MAS1: variants seen among roughly 807,000 people sequenced by gnomAD.
The protein encoded by MAS1 is proto-oncogene Mas.
For synonymous variants in MAS1, 163 were observed against 164.2 expected (o/e 0.99, Z 0.05); for missense variants, 387 against 409.7 (o/e 0.94, Z 0.48).
chr6:159,895,788 G>A (rs1782748552), intron 1 of MAS1, among the ~76,000 whole-genome samples: 1 of 152,152 alleles, frequency 6.6e-6, no homozygotes, highest in Non-Finnish European at 1.5e-5. Flanking sequence ...TAATATAATT[G>A]GCATGGTTAT....
chr6:159,890,227 A>G (rs113481856), upstream of MAS1, among the ~76,000 whole-genome samples: 29 of 152,324 alleles, frequency 1.9e-4, no homozygotes, highest in African/African-American at 6.3e-4. Flanking sequence ...TAAAAGGTAG[A>G]AAAACAAAAA....
In MAS1 at chr6:159,912,066, G is replaced by T. The variant is rs1364435026; in HGVS notation, c.*4133G>T. 6.6e-6 allele frequency: 1 copy of T among 152,310 alleles called. No individual in the cohort carries two copies. Among genetic ancestry groups the T allele is most frequent in the Non-Finnish European group, 1.5e-5 (1 of 68,144 alleles). The allele number at this position is 152,310 out of a possible 1,614,324, so 9.4% of individuals were successfully genotyped here. ...GGAGGGTTGGTGAACAGCACCACTG[G>T]CCTTGACTAGCCTGCTCCCTGCCAC... On this transcript the variant is annotated 3_prime_UTR_variant, in exon 3 of 3. Transcript: ENST00000674077.
intron 2 of MAS1, chr6:159,906,719 C>G (rs1782890953): frequency 6.3e-6 from 3 of 474,422 alleles, no homozygotes; most frequent in Non-Finnish European, 1.1e-5. Flanking sequence ...AATCAGTTCT[C>G]AGTCTTATCA....
chr6:159,897,423 G>A (rs1451353030), intron 1 of MAS1, among the ~76,000 whole-genome samples: 8 of 152,194 alleles, frequency 5.3e-5, no homozygotes, highest in Admixed American at 5.2e-4. Flanking sequence ...CAACAGTGAT[G>A]TTATCCCTAG....
chr6:159,892,068 C>T lies in MAS1; in HGVS notation c.-244+935C>T, dbSNP rs78312511. Among the ~76,000 whole-genome samples the T allele has an allele frequency of 3.3e-5, 5 of 152,254 alleles. No homozygotes were observed. In the East Asian group the frequency reaches 9.6e-4, roughly 29 times the overall value. On this transcript the variant is annotated intron_variant, in intron 1 of 2. Transcript: ENST00000674077. ...CCTTAGGGGACAAAATCACCTTCCC[C>T]CCTTTTAGACCAGGGCTCTAAATTG...
chr6:159,900,720 T>C (rs1339389894), intron 2 of MAS1, among the ~76,000 whole-genome samples: 1 of 152,194 alleles, frequency 6.6e-6, no homozygotes, highest in Non-Finnish European at 1.5e-5. Context: ...TTCAGTGTGA[T>C]GCCCTGCACT....
At chr6:159,904,342 C>T (rs1257425439) in intron 2 of MAS1, among the ~76,000 whole-genome samples, 1 of 152,206 alleles carries the variant, frequency 6.6e-6, no homozygotes, top group African/African-American at 2.4e-5. Context: ...TTTCCTCCGG[C>T]TCCTGACACT....
chr6:159,905,585 A>G (rs1782875811), intron 2 of MAS1, among the ~76,000 whole-genome samples: 1 of 152,172 alleles, frequency 6.6e-6, no homozygotes, highest in Non-Finnish European at 1.5e-5. Flanking sequence ...GGCTGTACTG[A>G]GATCACAGCT....
At chr6:159,901,262 A>G (rs1398448578) in intron 2 of MAS1, among the ~76,000 whole-genome samples, 1 of 152,192 alleles carries the variant, frequency 6.6e-6, no homozygotes, top group Non-Finnish European at 1.5e-5. Flanking sequence ...TAGGACTTCA[A>G]CATATGAATT....
intron 1 of MAS1, among the ~76,000 whole-genome samples, chr6:159,895,241 C>G (rs1782741540): frequency 6.6e-6 from 1 of 152,246 alleles, no homozygotes; most frequent in South Asian, 2.1e-4. Flanking sequence ...CTGGGGCAAT[C>G]CAGGCTCTGC....
chr6:159,895,078 C>T (rs1002515410), intron 1 of MAS1, among the ~76,000 whole-genome samples: 29 of 152,240 alleles, frequency 1.9e-4, no homozygotes, highest in Admixed American at 7.2e-4. Flanking sequence ...TTGCTTCTGG[C>T]GACATAAAAG....
chr6:159,906,974 ACAT>A lies in MAS1; in HGVS notation c.23_25del (p.Ser8del). 6.2e-7 allele frequency: 1 copy of A among 1,606,590 alleles called. No homozygotes were observed. Among genetic ancestry groups the A allele is most frequent in the Non-Finnish European group, 8.5e-7 (1 of 1,173,612 alleles). On this transcript the variant is annotated inframe_deletion, in exon 3 of 3. Coordinates refer to ENST00000674077, the MANE Select transcript of MAS1 (RefSeq NM_002377.4). ...CCTCCTCATGGATGGGTCAAACGTG[ACAT>A]CATTTGTTGTTGAGGAACCCACGAA...
chr6:159,897,288 G>C (rs1008327683), intron 1 of MAS1, among the ~76,000 whole-genome samples: 7 of 152,166 alleles, frequency 4.6e-5, no homozygotes, highest in Admixed American at 2.0e-4. Context: ...GTTTGTTTTT[G>C]CGGTCTTCTG....
chr6:159,909,351 G>A lies in MAS1; in HGVS notation c.*1418G>A, dbSNP rs189767496. On this transcript the variant is annotated 3_prime_UTR_variant, in exon 3 of 3. Transcript: ENST00000674077. ...ATTTGCTCTTTAAAAGGTCAGAGAG[G>A]CAGTGATGTAATTGTTCTCTGTTGC... 1.6e-4 allele frequency: 25 copies of A among 152,346 alleles called. No individual in the cohort carries two copies. The East Asian group carries it at 3.5e-3, about 21-fold the overall frequency. The allele number at this position is 152,346 out of a possible 1,614,324, so 9.4% of individuals were successfully genotyped here. A position where few individuals can be genotyped will look rare whatever the true frequency, so the allele number is the denominator to read the frequency against.
chr6:159,899,791 T>A (rs1020636620), intron 2 of MAS1, among the ~76,000 whole-genome samples: 1 of 152,188 alleles, frequency 6.6e-6, no homozygotes, highest in Non-Finnish European at 1.5e-5. Flanking sequence ...CTCATGCCTG[T>A]AATCCCAGCA....
chr6:159,915,804 G>C lies in MAS1; in HGVS notation c.*7871G>C, dbSNP rs1250975767. ...CAGGGAAAGGAGGAAGTTAGCAAAG[G>C]GTGAGTGAAGGAGAACAAGGGCCCA... On this transcript the variant is annotated 3_prime_UTR_variant, in exon 3 of 3. Transcript: ENST00000674077. 1 of 152,420 alleles carries C rather than the reference G, an allele frequency of 6.6e-6. No homozygotes were observed. Among genetic ancestry groups the C allele is most frequent in the Non-Finnish European group, 1.5e-5 (1 of 68,194 alleles). The allele number at this position is 152,420 out of a possible 1,614,324, so 9.4% of individuals were successfully genotyped here.
chr6:159,911,137 T>G lies in MAS1; in HGVS notation c.*3204T>G, dbSNP rs1303664623. 6.6e-6 allele frequency: 1 copy of G among 151,978 alleles called. No homozygotes were observed. Among genetic ancestry groups the G allele is most frequent in the East Asian group, 1.9e-4 (1 of 5,184 alleles). The allele number at this position is 151,978 out of a possible 1,614,324, so 9.4% of individuals were successfully genotyped here. On this transcript the variant is annotated 3_prime_UTR_variant, in exon 3 of 3. Transcript: ENST00000674077. ...CCTCTGCTCTCCTCTTTCTGAGAAA[T>G]CTCCCTGGATCCTGATCCATAATCA...
Position 159,909,869 on chromosome 6 carries a change from C to T in MAS1, c.*1936C>T, listed in dbSNP as rs1308763752. 9 of 151,962 alleles carry T rather than the reference C, an allele frequency of 5.9e-5. No homozygotes were observed. Among genetic ancestry groups the T allele is most frequent in the Non-Finnish European group, 8.8e-5 (6 of 67,998 alleles). The allele number at this position is 151,962 out of a possible 1,614,324, so 9.4% of individuals were successfully genotyped here. ...TTTTCTGCAGATAAAGTGGGGAAATCGAATGTGATAATGAATATAAAAATT... is the reference window on the plus strand; with the variant it reads ...TTTTCTGCAGATAAAGTGGGGAAATTGAATGTGATAATGAATATAAAAATT... On this transcript the variant is annotated 3_prime_UTR_variant, in exon 3 of 3. Coordinates refer to ENST00000674077, the MANE Select transcript of MAS1 (RefSeq NM_002377.4).
At chr6:159,889,144 C>T (rs1782670363), upstream of MAS1, among the ~76,000 whole-genome samples, 1 of 152,204 alleles carries the variant, frequency 6.6e-6, no homozygotes, top group Non-Finnish European at 1.5e-5. Context: ...AGCCATCGGG[C>T]CACCCTGGCT....
Sources: gnomAD v4.1 joint callset for allele counts (sites outside exome capture counted in the v4.1 genomes callset) on GRCh38, gnomAD v4.1.1 for gene constraint, MANE v1.5 for transcripts, NCBI Gene and HGNC (gene_info 2026-07-23, HGNC 2026-07-21) for gene names.